The following C1orf21 variants were observed in gnomAD, a reference collection of about 807,000 sequenced individuals.
The protein encoded by C1orf21 is chromosome 1 open reading frame 21.
C1orf21 carries 3 observed loss-of-function variants against 18.7 expected under a neutral mutation model. The ratio of observed to expected loss-of-function variants is 0.16; its 90% confidence interval spans 0.07 to 0.42. The LOEUF (loss-of-function observed/expected upper bound fraction) is 0.42, where lower values mean the gene tolerates loss of function less well. Among genes scored for constraint, C1orf21 ranks in the 10% least tolerant of loss-of-function variants. The pLI is 0.99. For missense variants in C1orf21, 104 were observed against 143.6 expected (o/e 0.72, Z 1.41); for synonymous variants, 41 against 46.4 (o/e 0.88, Z 0.47).
chr1:184,427,777 T>C (rs1359376199), intron 1 of C1orf21, among the ~76,000 whole-genome samples: 1 of 152,186 alleles, frequency 6.6e-6, no homozygotes, highest in African/African-American at 2.4e-5. Flanking sequence ...CCATCGGCCT[T>C]GCTTGGAAAA....
In C1orf21 at chr1:184,605,067, T is replaced by A. The variant is rs151073971; in HGVS notation, c.327+6606T>A. Among the ~76,000 whole-genome samples, 379 of 152,332 alleles carry A rather than the reference T, an allele frequency of 2.5e-3. 4 individuals carry two copies. Among genetic ancestry groups the A allele is most frequent in the South Asian group, 8.5e-3 (41 of 4,826 alleles). ...GTGAATGGTATCATTTTGCCATGGATGCAAGTATTTGGACAAGGAAAGAAA... is the reference window on the plus strand; with the variant it reads ...GTGAATGGTATCATTTTGCCATGGAAGCAAGTATTTGGACAAGGAAAGAAA... On this transcript the variant is annotated intron_variant, in intron 5 of 5. Coordinates refer to ENST00000235307, the MANE Select transcript of C1orf21 (RefSeq NM_030806.4).
intron 1 of C1orf21, among the ~76,000 whole-genome samples, chr1:184,391,882 A>G (rs1407870632): frequency 6.6e-6 from 1 of 151,652 alleles, no homozygotes. Context: ...TAATTTTTGT[A>G]TTTTTAGTAG....
intron 3 of C1orf21, 136 bp downstream of exon 3, chr1:184,507,818 T>A: frequency 4.5e-6 from 3 of 670,388 alleles, no homozygotes; most frequent in African/African-American, 1.9e-5. Context: ...ATAGCTTGCC[T>A]GGAAGCTGCA....
At chr1:184,548,420 T>C (rs1003940456) in intron 3 of C1orf21, among the ~76,000 whole-genome samples, 3 of 149,850 alleles carry the variant, frequency 2.0e-5, no homozygotes, top group African/African-American at 7.4e-5. Flanking sequence ...TTTTTTTTTT[T>C]TTTTTTTTTG....
chr1:184,615,716 G>A (rs1269925759), intron 5 of C1orf21, among the ~76,000 whole-genome samples: 1 of 152,184 alleles, frequency 6.6e-6, no homozygotes, highest in Non-Finnish European at 1.5e-5. Flanking sequence ...GGGCCAGTGT[G>A]CAGATGGGGT....
intron 1 of C1orf21, among the ~76,000 whole-genome samples, chr1:184,458,727 A>G (rs1260070214): frequency 2.0e-5 from 3 of 152,206 alleles, no homozygotes; most frequent in Non-Finnish European, 4.4e-5. Context: ...TCATTCCTAA[A>G]TATGTGCCAT....
intron 1 of C1orf21, among the ~76,000 whole-genome samples, chr1:184,403,364 A>T (rs971391056): frequency 1.3e-5 from 2 of 152,214 alleles, no homozygotes; most frequent in African/African-American, 4.8e-5. Context: ...TATTTATGTA[A>T]AGTTCAAAAA....
At chr1:184,516,094 T>C (rs971780537) in intron 3 of C1orf21, among the ~76,000 whole-genome samples, 2 of 152,216 alleles carry the variant, frequency 1.3e-5, no homozygotes, top group African/African-American at 4.8e-5. Context: ...ATTACAGACA[T>C]GAGCCACCAT....
intron 1 of C1orf21, among the ~76,000 whole-genome samples, chr1:184,393,681 A>T (rs1161005002): frequency 6.6e-6 from 1 of 152,192 alleles, no homozygotes; most frequent in African/African-American, 2.4e-5. Context: ...TATCTTGATG[A>T]TTATTGTTAT....
intron 1 of C1orf21, among the ~76,000 whole-genome samples, chr1:184,421,921 A>G (rs1336779855): frequency 1.3e-5 from 2 of 152,232 alleles, no homozygotes; most frequent in Non-Finnish European, 2.9e-5. Context: ...CCATGAGTGC[A>G]AGGTCCTCTG....
intron 1 of C1orf21, among the ~76,000 whole-genome samples, chr1:184,443,383 A>G (rs545406836): frequency 6.6e-6 from 1 of 152,242 alleles, no homozygotes; most frequent in South Asian, 2.1e-4. Context: ...TTTGTTCTCC[A>G]CTAGATGCCA....
chr1:184,496,843 A>T (rs1415904528), intron 2 of C1orf21, among the ~76,000 whole-genome samples: 1 of 152,248 alleles, frequency 6.6e-6, no homozygotes, highest in Non-Finnish European at 1.5e-5. Context: ...AAAAATCATT[A>T]AAAGTTCTAG....
intron 2 of C1orf21, among the ~76,000 whole-genome samples, chr1:184,499,959 C>T (rs1468506898): frequency 6.6e-6 from 1 of 152,082 alleles, no homozygotes; most frequent in Non-Finnish European, 1.5e-5. Flanking sequence ...TTCAAGAGTC[C>T]CAGCAGTTCT....
chr1:184,607,744 T>C (rs1300062232), intron 5 of C1orf21, among the ~76,000 whole-genome samples: 1 of 150,452 alleles, frequency 6.6e-6, no homozygotes, highest in African/African-American at 2.4e-5. Context: ...TATATATGTG[T>C]GTGTATATAT....
intron 1 of C1orf21, among the ~76,000 whole-genome samples, chr1:184,401,545 G>T (rs1476694441): frequency 6.6e-6 from 1 of 151,778 alleles, no homozygotes; most frequent in African/African-American, 2.4e-5. Context: ...TTTATATTAG[G>T]GATAACATCC....
intron 3 of C1orf21, among the ~76,000 whole-genome samples, chr1:184,562,484 C>G (rs1433418295): frequency 1.3e-5 from 2 of 152,202 alleles, no homozygotes; most frequent in Non-Finnish European, 2.9e-5. Flanking sequence ...TGGCACAGCC[C>G]TAGCAGCTGC....
chr1:184,462,729 T>C (rs899177993), intron 1 of C1orf21, among the ~76,000 whole-genome samples: 2 of 152,178 alleles, frequency 1.3e-5, no homozygotes, highest in African/African-American at 4.8e-5. Flanking sequence ...AAGAAAATGT[T>C]ATTACAAACC....
chr1:184,600,218 G>A lies in C1orf21; in HGVS notation c.327+1757G>A, dbSNP rs183245590. ...GGTCTCACTTGTCACCCAGGCTGGA[G>A]TGCAGTGGTGCAATCTCAGCTCACT... On this transcript the variant is annotated intron_variant, in intron 5 of 5. Coordinates refer to ENST00000235307, the MANE Select transcript of C1orf21 (RefSeq NM_030806.4). 1.1e-4 allele frequency among the ~76,000 whole-genome samples: 16 copies of A among 151,914 alleles called. No individual in the cohort carries two copies. In the East Asian group the frequency reaches 2.7e-3, roughly 26 times the overall value.
At chr1:184,446,924 A>G (rs980365093) in intron 1 of C1orf21, among the ~76,000 whole-genome samples, 5 of 147,282 alleles carry the variant, frequency 3.4e-5, no homozygotes, top group African/African-American at 5.1e-5. Context: ...TTGAAGTTTC[A>G]TCGTGGGTAT....
Sources: allele counts gnomAD v4.1 joint callset (sites outside exome capture counted in the v4.1 genomes callset), GRCh38; gene constraint gnomAD v4.1.1; transcripts MANE v1.5; gene names NCBI Gene and HGNC (gene_info 2026-07-23, HGNC 2026-07-21).